The following TCL1A variants were observed in gnomAD, a reference collection of about 807,000 sequenced individuals.
TCL1A encodes the protein TCL1 family AKT coactivator A.
TCL1A carries 9 observed loss-of-function variants against 16.9 expected under a neutral mutation model. The ratio of observed to expected loss-of-function variants is 0.53; its 90% CI spans 0.32 to 0.93. The LOEUF is 0.93. Among genes scored for constraint, TCL1A ranks in the 40% least tolerant of loss-of-function variants. The pLI is 0.04. For missense variants in TCL1A, 139 were observed against 153.0 expected (o/e 0.91, Z 0.48); for synonymous variants, 69 against 63.2 (o/e 1.09, Z -0.44).
chr14:95,713,526 T>G (rs1886441057), intron 1 of TCL1A, among the ~76,000 whole-genome samples: 1 of 152,172 alleles, frequency 6.6e-6, no homozygotes, highest in Admixed American at 6.5e-5. Context: ...TCTAGGCCAG[T>G]GTTTGCTATG....
intron 1 of TCL1A, 152 bp downstream of exon 1, chr14:95,713,795 A>C (rs1886473037): frequency 8.0e-7 from 1 of 1,245,890 alleles, no homozygotes; most frequent in Non-Finnish European, 1.1e-6. Context: ...ACTCCTATTC[A>C]TCCTCCAGAG....
chr14:95,712,547 T>C, intron 1 of TCL1A, 151 bp from the exon 2 acceptor site: 1 of 1,469,330 alleles, frequency 6.8e-7, no homozygotes, highest in Non-Finnish European at 9.0e-7. Flanking sequence ...TCCCTGAAGC[T>C]CACTTCCTTA....
At chr14:95,712,495 A>G in intron 1 of TCL1A, 99 bp from the exon 2 acceptor site, 3 of 1,520,678 alleles carry the variant, frequency 2.0e-6, no homozygotes, top group Non-Finnish European at 2.6e-6. Flanking sequence ...CCATCCACCC[A>G]TCTGGGCAGG....
rs73350139 is a variant in TCL1A, at chr14:95,711,776, G to T, written c.324C>A (p.Leu108=). Residue 108 remains leucine, a synonymous_variant, in exon 3 of 4, where the codon CTC becomes CTA. Transcript: ENST00000402399. The part of the protein sequence containing the change: ...IKIDGVEDML[L]ELLPDD ...TACATCAGTCATCTGGCAGCAGCTC[G>T]AGAAGCATGTCCTCCACGCCGTCAA... is the stretch of plus-strand genomic sequence containing the variant. 4 of 1,612,750 alleles carry T rather than the reference G, an allele frequency of 2.5e-6. No individual in the cohort carries two copies. The highest frequency in any genetic ancestry group is 3.3e-4 in the Middle Eastern group (2 of 6,062).
Position 95,712,268 on chromosome 14 carries a change from T to C in TCL1A, c.249A>G (p.Arg83=), listed in dbSNP as rs756981751. The C allele has an allele frequency of 8.1e-6, 13 of 1,614,118 alleles. No individual in the cohort carries two copies. The South Asian group carries it at 1.4e-4, about 18-fold the overall frequency. ...AGAAACTGGAGTCTGAGGATCGGTA[T>C]CGTCCATCAGGGTAGAGCTGCCACA... ...PIMWQLYPDG[R]YRSSDSSFWR... The change falls in exon 2 of 4, where the codon CGA becomes CGG. Residue 83 remains arginine, a synonymous_variant. Coordinates refer to ENST00000402399, the MANE Select transcript of TCL1A (RefSeq NM_021966.3).
At chr14:95,711,966 C>A in intron 2 of TCL1A, 164 bp from the exon 3 acceptor site, 1 of 955,318 alleles carries the variant, frequency 1.0e-6, no homozygotes, top group Non-Finnish European at 1.5e-6. Context: ...AGCCTTCAGC[C>A]TGTGACTGCC....
chr14:95,712,259 G>A lies in TCL1A; in HGVS notation c.258C>T (p.Ser86=). 6.2e-7 allele frequency: 1 copy of A among 1,614,152 alleles called. No homozygotes were observed. The highest frequency in any genetic ancestry group is 8.5e-7 in the Non-Finnish European group (1 of 1,180,032). The part of the protein sequence containing the change: ...WQLYPDGRYR[S]SDSSFWRLVY... Reference sequence around the variant, plus strand: ...CTAAGCGCCAGAAACTGGAGTCTGAGGATCGGTATCGTCCATCAGGGTAGA... The same window carrying A: ...CTAAGCGCCAGAAACTGGAGTCTGAAGATCGGTATCGTCCATCAGGGTAGA... The change falls in exon 2 of 4, where the codon TCC becomes TCT. Residue 86 remains serine (S), a synonymous_variant. Coordinates refer to ENST00000402399, the MANE Select transcript of TCL1A (RefSeq NM_021966.3).
At chr14:95,713,148 T>A (rs1886416006) in intron 1 of TCL1A, among the ~76,000 whole-genome samples, 1 of 152,362 alleles carries the variant, frequency 6.6e-6, no homozygotes. Context: ...CTAGCAATCT[T>A]ACCTCGGACA....
intron 1 of TCL1A, 109 bp downstream of exon 1, chr14:95,713,838 C>T (rs540551148): frequency 2.0e-6 from 3 of 1,505,904 alleles, no homozygotes; most frequent in East Asian, 2.3e-5. Context: ...TGTGGGGATC[C>T]TCCCTGCCCC....
At chr14:95,713,896 T>A in intron 1 of TCL1A, 51 bp downstream of exon 1, 2 of 1,604,572 alleles carry the variant, frequency 1.2e-6, no homozygotes, top group East Asian at 4.5e-5. Flanking sequence ...CATCCCAAGC[T>A]CCCAGGGGCT....
intron 1 of TCL1A, 145 bp downstream of exon 1, chr14:95,713,802 A>G (rs1886474081): frequency 7.6e-7 from 1 of 1,309,720 alleles, no homozygotes; most frequent in South Asian, 1.4e-5. Flanking sequence ...TTCATCCTCC[A>G]GAGCCCGGCT....
chr14:95,712,941 C>T (rs1024437895), intron 1 of TCL1A, among the ~76,000 whole-genome samples: 7 of 151,974 alleles, frequency 4.6e-5, no homozygotes, highest in Non-Finnish European at 1.0e-4. Context: ...TTTGGTGTCA[C>T]GTTGAAGAAG....
chr14:95,712,793 A>C (rs1886398719), intron 1 of TCL1A: 2 of 719,872 alleles, frequency 2.8e-6, no homozygotes, highest in South Asian at 1.6e-5. Context: ...AAAAAAAAAA[A>C]CAACAAAGAA....
At chr14:95,713,703 A>C (rs1886458755) in intron 1 of TCL1A, among the ~76,000 whole-genome samples, 1 of 152,308 alleles carries the variant, frequency 6.6e-6, no homozygotes, top group East Asian at 1.9e-4. Context: ...TCAACATTAT[A>C]GTCACACTCC....
chr14:95,713,894 G>C (rs572379561), intron 1 of TCL1A, 53 bp downstream of exon 1: 7 of 1,603,572 alleles, frequency 4.4e-6, no homozygotes, highest in Admixed American at 3.3e-5. Flanking sequence ...GGCATCCCAA[G>C]CTCCCAGGGG....
chr14:95,713,708 C>A (rs1344311917), intron 1 of TCL1A, among the ~76,000 whole-genome samples: 2 of 152,332 alleles, frequency 1.3e-5, no homozygotes, highest in Admixed American at 1.3e-4. Context: ...ATTATAGTCA[C>A]ACTCCACAGG....
In TCL1A at chr14:95,713,240, G is replaced by A. The variant is rs138342827; in HGVS notation, c.120+707C>T. Among the ~76,000 whole-genome samples the A allele has an allele frequency of 6.4e-3, 976 of 152,208 alleles. 13 individuals are homozygous for A. The highest frequency in any genetic ancestry group is 9.7e-3 in the Non-Finnish European group (661 of 68,010). On this transcript the variant is annotated intron_variant, in intron 1 of 3. Transcript: ENST00000402399. Reference sequence around the variant, plus strand: ...AATTTTTGATTGCTACTGGACATACGTGTTCTAATATATTTTTTAATTTTT... The same window carrying A: ...AATTTTTGATTGCTACTGGACATACATGTTCTAATATATTTTTTAATTTTT...
rs772465102 is a variant in TCL1A, at chr14:95,714,053, G to C, written c.14C>G (p.Pro5Arg). MAEC[P>R]TLGEAVTDHP... is the part of the protein sequence containing the mutation. ...GTCGGTGACTGCCTCCCCGAGTGTC[G>C]GGCACTCGGCCATGGCGTCCTCGGG... The change falls in exon 1 of 4, where the codon CCG becomes CGG. Residue 5 changes from proline to arginine, a missense_variant. Pro to Arg is a moderately radical substitution (Grantham distance 103). Transcript: ENST00000402399. 1.6e-5 allele frequency: 26 copies of C among 1,613,718 alleles called. No individual in the cohort carries two copies. Among genetic ancestry groups the C allele is most frequent in the Admixed American group, 1.3e-4 (8 of 60,006 alleles).
At chr14:95,712,472 T>A in intron 1 of TCL1A, 76 bp from the exon 2 acceptor site, 1 of 1,533,494 alleles carries the variant, frequency 6.5e-7, no homozygotes, top group South Asian at 1.3e-5. Flanking sequence ...AAAACCGGAA[T>A]CCCTCCTGCC....
Sources: allele counts gnomAD v4.1 joint callset (sites outside exome capture counted in the v4.1 genomes callset), GRCh38; gene constraint gnomAD v4.1.1; transcripts MANE v1.5; gene names NCBI Gene and HGNC (gene_info 2026-07-23, HGNC 2026-07-21).